ST6GALNAC3: variants seen among roughly 807,000 people sequenced by gnomAD.
ST6GALNAC3 encodes the protein ST6 N-acetylgalactosaminide alpha-2,6-sialyltransferase 3.
In ST6GALNAC3, 25 loss-of-function variants were observed where a neutral mutation model predicts 32.7. The ratio of observed to expected loss-of-function variants is 0.76; its 90% CI spans 0.56 to 1.07. The LOEUF (loss-of-function observed/expected upper bound fraction) is 1.07. ST6GALNAC3 is among the 50% of genes least tolerant of loss of function. The probability of loss-of-function intolerance (pLI) is 0.00; values close to 1 mark genes in which losing one functional copy is unlikely to be tolerated. For synonymous variants in ST6GALNAC3, 129 were observed against 133.1 expected (o/e 0.97, Z 0.21); for missense variants, 355 against 382.4 (o/e 0.93, Z 0.60).
intron 1 of ST6GALNAC3, among the ~76,000 whole-genome samples, chr1:76,156,220 T>C (rs76391469): frequency 0.022 from 3,390 of 152,036 alleles, 115 homozygotes; most frequent in African/African-American, 0.078. Context: ...GATTTAACGT[T>C]GTAGATGTTG....
At chr1:76,449,883 G>T (rs1657265379) in intron 3 of ST6GALNAC3, among the ~76,000 whole-genome samples, 1 of 152,128 alleles carries the variant, frequency 6.6e-6, no homozygotes, top group Non-Finnish European at 1.5e-5. Flanking sequence ...AAGTTCTTCA[G>T]TGGTGATATC....
chr1:76,251,706 C>A (rs1190276237), intron 1 of ST6GALNAC3, among the ~76,000 whole-genome samples: 7 of 152,108 alleles, frequency 4.6e-5, no homozygotes, highest in African/African-American at 1.7e-4. Flanking sequence ...TCTTTGTGCA[C>A]AAATTTTTCT....
chr1:76,426,963 G>T (rs1301392073), intron 3 of ST6GALNAC3, among the ~76,000 whole-genome samples: 2 of 151,996 alleles, frequency 1.3e-5, no homozygotes, highest in African/African-American at 4.8e-5. Context: ...GAACATTGAG[G>T]TGATATAATT....
At chr1:76,464,741 A>C (rs4474306) in intron 3 of ST6GALNAC3, among the ~76,000 whole-genome samples, 5,584 of 152,302 alleles carry the variant, frequency 0.037, 349 homozygotes, top group African/African-American at 0.12. Flanking sequence ...ATATTTAACA[A>C]TTACAATTAC....
chr1:76,428,420 A>G (rs1380940057), intron 3 of ST6GALNAC3, among the ~76,000 whole-genome samples: 1 of 152,084 alleles, frequency 6.6e-6, no homozygotes, highest in African/African-American at 2.4e-5. Flanking sequence ...AACCTTGTAA[A>G]CTAGAACTTC....
chr1:76,392,038 T>C (rs909159204), intron 2 of ST6GALNAC3, among the ~76,000 whole-genome samples: 13 of 152,188 alleles, frequency 8.5e-5, no homozygotes, highest in Non-Finnish European at 1.2e-4. Context: ...AGGATAATGC[T>C]TCGTTGTGGG....
chr1:76,199,082 G>C (rs1654377753), intron 1 of ST6GALNAC3, among the ~76,000 whole-genome samples: 1 of 152,180 alleles, frequency 6.6e-6, no homozygotes, highest in African/African-American at 2.4e-5. Flanking sequence ...TCCATCCATG[G>C]CTCAAATTCT....
rs965341698 is a variant in ST6GALNAC3, at chr1:76,402,382, A to G, written c.214-9626A>G. Among the ~76,000 whole-genome samples the G allele has an allele frequency of 2.0e-5, 3 of 152,204 alleles. No individual in the cohort carries two copies. The East Asian group carries it at 5.8e-4, about 30-fold the overall frequency. ...CCCACTAAGACAGTCATGCTTCCCT[A>G]TCTTTTCCATTTACTAATTTTGCCA... is the stretch of plus-strand genomic sequence containing the variant. On this transcript the variant is annotated intron_variant, in intron 2 of 4. Transcript: ENST00000328299.
intron 3 of ST6GALNAC3, among the ~76,000 whole-genome samples, chr1:76,602,280 G>A (rs1647269722): frequency 1.3e-5 from 2 of 152,044 alleles, no homozygotes; most frequent in African/African-American, 2.4e-5. Flanking sequence ...GTGATGTGGA[G>A]AGAGGAGAAA....
At chr1:76,615,600 T>G (rs1310299506) in intron 3 of ST6GALNAC3, among the ~76,000 whole-genome samples, 1 of 152,342 alleles carries the variant, frequency 6.6e-6, no homozygotes, top group Middle Eastern at 3.4e-3. Context: ...CTCATTTTTA[T>G]AGCTGGGCAT....
intron 3 of ST6GALNAC3, among the ~76,000 whole-genome samples, chr1:76,537,015 G>A (rs540173708): frequency 4.6e-5 from 7 of 152,208 alleles, no homozygotes; most frequent in African/African-American, 7.2e-5. Flanking sequence ...AACTCTCCAC[G>A]CCAAATTAAC....
intron 1 of ST6GALNAC3, among the ~76,000 whole-genome samples, chr1:76,110,940 T>G (rs1044477164): frequency 2.0e-5 from 3 of 152,138 alleles, no homozygotes; most frequent in Non-Finnish European, 4.4e-5. Flanking sequence ...AATTTGTGCT[T>G]TGTTCAGCCT....
chr1:76,529,903 T>G (rs947457298), intron 3 of ST6GALNAC3, among the ~76,000 whole-genome samples: 6 of 152,204 alleles, frequency 3.9e-5, no homozygotes, highest in Non-Finnish European at 7.3e-5. Context: ...ACATATAAAA[T>G]GCTCACAAAA....
chr1:76,101,621 T>C (rs1314853418), intron 1 of ST6GALNAC3, among the ~76,000 whole-genome samples: 1 of 152,234 alleles, frequency 6.6e-6, no homozygotes, highest in Non-Finnish European at 1.5e-5. Context: ...TTTGTTTAAA[T>C]TGACTGATTT....
At chr1:76,287,062 C>T (rs1659822879) in intron 1 of ST6GALNAC3, among the ~76,000 whole-genome samples, 1 of 152,136 alleles carries the variant, frequency 6.6e-6, no homozygotes, top group South Asian at 2.1e-4. Flanking sequence ...TTGATGATAA[C>T]TTTTTTAAAA....
intron 3 of ST6GALNAC3, among the ~76,000 whole-genome samples, chr1:76,602,064 G>T (rs1220666229): frequency 6.6e-6 from 1 of 152,116 alleles, no homozygotes; most frequent in African/African-American, 2.4e-5. Flanking sequence ...GCAAAGTAAG[G>T]GATGAGATCA....
At chr1:76,458,914 G>A (rs1392929835) in intron 3 of ST6GALNAC3, among the ~76,000 whole-genome samples, 1 of 151,142 alleles carries the variant, frequency 6.6e-6, no homozygotes, top group Non-Finnish European at 1.5e-5. Flanking sequence ...AAAGAAAAAA[G>A]GAAAAATAAT....
chr1:76,132,054 G>A (rs1007534311), intron 1 of ST6GALNAC3, among the ~76,000 whole-genome samples: 1 of 152,126 alleles, frequency 6.6e-6, no homozygotes, highest in Non-Finnish European at 1.5e-5. Context: ...TCCCTTGTGG[G>A]GGCTTGGTAT....
rs1279268742 is a variant in ST6GALNAC3, at chr1:76,274,044, T to C, written c.19-39761T>C. 2.0e-5 allele frequency among the ~76,000 whole-genome samples: 3 copies of C among 152,292 alleles called. No homozygotes were observed. In the East Asian group the frequency reaches 5.8e-4, roughly 29 times the overall value. On this transcript the variant is annotated intron_variant, in intron 1 of 4. Coordinates refer to ENST00000328299, the MANE Select transcript of ST6GALNAC3 (RefSeq NM_152996.4). ...AAAAAGACCAGCCATAATCACAACATTCGAAGTCAGCATAGCTAATATTTT... is the reference window on the plus strand; with the variant it reads ...AAAAAGACCAGCCATAATCACAACACTCGAAGTCAGCATAGCTAATATTTT...
Sources: gnomAD v4.1 joint callset for allele counts (sites outside exome capture counted in the v4.1 genomes callset) on GRCh38, gnomAD v4.1.1 for gene constraint, MANE v1.5 for transcripts, NCBI Gene and HGNC (gene_info 2026-07-23, HGNC 2026-07-21) for gene names.